BCL7A: variants seen among roughly 807,000 people sequenced by gnomAD.
BCL7A encodes the protein BAF chromatin remodeling complex subunit BCL7A.
A neutral mutation model predicts 28.4 loss-of-function variants in BCL7A; 11 were observed. The observed-to-expected ratio is 0.39, with a 90% CI of 0.24 to 0.64. The LOEUF (loss-of-function observed/expected upper bound fraction) is 0.64, where lower values mean the gene tolerates loss of function less well. Ranked by LOEUF, BCL7A falls within the 30% of genes least tolerant of loss-of-function variation. The probability of loss-of-function intolerance (pLI) is 0.50; values close to 1 mark genes in which losing one functional copy is unlikely to be tolerated. For synonymous variants in BCL7A, 123 were observed against 103.3 expected (o/e 1.19, Z -1.15); for missense variants, 222 against 274.8 (o/e 0.81, Z 1.36).
At chr12:122,022,558 G>A (rs1234627560) in intron 1 of BCL7A, among the ~76,000 whole-genome samples, 3 of 144,236 alleles carry the variant, frequency 2.1e-5, no homozygotes. Context: ...ACATGAAAGC[G>A]GCTTCCCGCG....
intron 2 of BCL7A, among the ~76,000 whole-genome samples, chr12:122,034,182 G>T (rs1164879950): frequency 9.3e-6 from 1 of 107,808 alleles, no homozygotes. Context: ...CACGTATCCT[G>T]CATCTTTCAT....
Position 122,061,821 on chromosome 12 carries a change from C to T in BCL7A, c.*2658C>T, listed in dbSNP as rs1951925948. The T allele has an allele frequency of 4.4e-6, 1 of 227,806 alleles. No homozygotes were observed. The highest frequency in any genetic ancestry group is 2.2e-5 in the African/African-American group (1 of 44,970). 14.1% of individuals were successfully genotyped at this position (227,806 alleles called of 1,614,324 possible). On this transcript the variant is annotated 3_prime_UTR_variant, in exon 6 of 6. Coordinates refer to ENST00000261822, the MANE Select transcript of BCL7A (RefSeq NM_001024808.3). ...CTCTAGGGTGGTGACCTCCCATTAG[C>T]AAACGGTGTCATGGTTTGGAATGTT...
chr12:122,057,120 G>A (rs994211511), intron 5 of BCL7A, among the ~76,000 whole-genome samples: 39 of 152,226 alleles, frequency 2.6e-4, no homozygotes, highest in African/African-American at 9.2e-4. Context: ...AAGCAGAACA[G>A]GCCATGGGTA....
intron 1 of BCL7A, among the ~76,000 whole-genome samples, chr12:122,024,837 A>G (rs1422008888): frequency 6.6e-6 from 1 of 152,110 alleles, no homozygotes; most frequent in Non-Finnish European, 1.5e-5. Flanking sequence ...GGCACCCTGT[A>G]TTTTACCCAG....
chr12:122,060,271 A>G lies in BCL7A; in HGVS notation c.*1108A>G, dbSNP rs1171186082. 2 of 232,810 alleles carry G rather than the reference A, an allele frequency of 8.6e-6. No homozygotes were observed. Among genetic ancestry groups the G allele is most frequent in the Non-Finnish European group, 1.7e-5 (2 of 117,568 alleles). 14.4% of individuals were successfully genotyped at this position (232,810 alleles called of 1,614,324 possible). On this transcript the variant is annotated 3_prime_UTR_variant, in exon 6 of 6. Coordinates refer to ENST00000261822, the MANE Select transcript of BCL7A (RefSeq NM_001024808.3). ...AGAATCCACGTGCTTTCCTATTCTC[A>G]GGCTGTTCTGACTCTGAGCCAACAG...
chr12:122,028,851 G>A (rs2135840689), intron 1 of BCL7A, among the ~76,000 whole-genome samples: 1 of 152,298 alleles, frequency 6.6e-6, no homozygotes, highest in African/African-American at 2.4e-5. Context: ...TGTGATGGTT[G>A]CTCTAACAAC....
At chr12:122,038,403 G>T (rs1442132658) in intron 3 of BCL7A, among the ~76,000 whole-genome samples, 1 of 125,720 alleles carries the variant, frequency 8.0e-6, no homozygotes, top group Non-Finnish European at 1.6e-5. Context: ...CTGCACTCCA[G>T]CCTGGGCAAA....
intron 4 of BCL7A, among the ~76,000 whole-genome samples, chr12:122,044,749 T>C (rs1884036808): frequency 6.7e-6 from 1 of 150,014 alleles, no homozygotes; most frequent in African/African-American, 2.5e-5. Context: ...TCCCTTGAGC[T>C]CAGGAGTTGG....
rs574506241 is a variant in BCL7A at position 122,034,026 on chromosome 12, C to T, written c.175-1305C>T. On this transcript the variant is annotated intron_variant, in intron 2 of 5. Coordinates refer to ENST00000261822, the MANE Select transcript of BCL7A (RefSeq NM_001024808.3). The stretch of plus-strand genomic sequence containing the variant: ...CACCCCCCATCCCCACCCCAGTTCT[C>T]GCCCCTGGAGGCAACCAGTGTTGCC... 4.1e-4 allele frequency among the ~76,000 whole-genome samples: 61 copies of T among 150,316 alleles called. No homozygotes were observed. The East Asian group carries it at 0.012, about 29-fold the overall frequency.
intron 4 of BCL7A, among the ~76,000 whole-genome samples, chr12:122,053,472 TTTG>T (rs914188712): frequency 2.6e-5 from 4 of 152,180 alleles, no homozygotes; most frequent in Admixed American, 2.6e-4. Context: ...TATTTTCCCC[TTTG>T]TTATTACTCT....
chr12:122,037,664 A>G (rs180869299), intron 3 of BCL7A, among the ~76,000 whole-genome samples: 33 of 152,024 alleles, frequency 2.2e-4, no homozygotes, highest in Admixed American at 1.4e-3. Context: ...AAAAATACAA[A>G]CAATGGGTGC....
chr12:122,053,613 C>G (rs569306003), intron 4 of BCL7A, among the ~76,000 whole-genome samples: 1 of 152,082 alleles, frequency 6.6e-6, no homozygotes, highest in Non-Finnish European at 1.5e-5. Flanking sequence ...TGCCCCTTCA[C>G]GAGTGTCTGG....
Position 122,043,571 on chromosome 12 carries a change from G to T in BCL7A, c.272-315G>T, listed in dbSNP as rs951282417. On this transcript the variant is annotated intron_variant, in intron 3 of 5. Coordinates refer to ENST00000261822, the MANE Select transcript of BCL7A (RefSeq NM_001024808.3). ...GAGGATTACCTGAGGTCAGGAGTTC[G>T]AGACGGGTCTGGCCAACATGGTGAA... 3.9e-5 allele frequency among the ~76,000 whole-genome samples: 6 copies of T among 152,098 alleles called. No homozygotes were observed. The East Asian group carries it at 1.2e-3, about 29-fold the overall frequency.
chr12:122,050,853 C>T (rs757812730), intron 4 of BCL7A, among the ~76,000 whole-genome samples: 4 of 152,190 alleles, frequency 2.6e-5, no homozygotes, highest in African/African-American at 7.2e-5. Context: ...GCGAAGGGGG[C>T]GAGAACGCCA....
At chr12:122,039,172 C>G (rs1182247081) in intron 3 of BCL7A, among the ~76,000 whole-genome samples, 1 of 151,740 alleles carries the variant, frequency 6.6e-6, no homozygotes, top group Non-Finnish European at 1.5e-5. Context: ...TGGCTGGTGC[C>G]TGTAGTCCCA....
intron 4 of BCL7A, among the ~76,000 whole-genome samples, chr12:122,047,048 C>A (rs543285743): frequency 6.6e-6 from 1 of 151,666 alleles, no homozygotes. Context: ...GGTTTACAGG[C>A]GTGCACCACC....
rs1883466105 is a variant in BCL7A, at chr12:122,021,956, G to A, written c.-136G>A. 1 of 613,208 alleles carries A rather than the reference G, an allele frequency of 1.6e-6. No individual in the cohort carries two copies. Among genetic ancestry groups the A allele is most frequent in the Non-Finnish European group, 2.9e-6 (1 of 345,706 alleles). The allele number at this position is 613,208 out of a possible 1,614,324, so 38.0% of individuals were successfully genotyped here. A position where few individuals can be genotyped will look rare whatever the true frequency, so the allele number is the denominator to read the frequency against. The stretch of plus-strand genomic sequence containing the variant: ...TGTGTGTGTGTGTGTGTGTGTGTGT[G>A]TGAGTGTGTGCGTGTGAGAGTGCGA... On this transcript the variant is annotated 5_prime_UTR_variant, in exon 1 of 6. The change creates a new upstream start codon in the 5' untranslated region. Transcript: ENST00000261822.
chr12:122,049,035 A>AATATATATAT (rs1159174556), intron 4 of BCL7A, among the ~76,000 whole-genome samples: 4 of 58,366 alleles, frequency 6.9e-5, no homozygotes, highest in Admixed American at 4.0e-4. Context: ...AAAAAAAAAA[A>AATATATATAT]ATATATATAT....
chr12:122,025,317 C>T (rs1371125211), intron 1 of BCL7A, among the ~76,000 whole-genome samples: 2 of 147,876 alleles, frequency 1.4e-5, no homozygotes, highest in Middle Eastern at 3.4e-3. Flanking sequence ...GGGTCTCAAA[C>T]CAAAAAAAAA....
Sources: allele counts gnomAD v4.1 joint callset (sites outside exome capture counted in the v4.1 genomes callset), GRCh38; gene constraint gnomAD v4.1.1; transcripts MANE v1.5; gene names NCBI Gene and HGNC (gene_info 2026-07-23, HGNC 2026-07-21).